Variants in VAPB observed in about 807,000 individuals in gnomAD.
The protein encoded by VAPB is VAMP associated protein B and C, also known as vesicle-associated membrane protein-associated protein B/C.
In VAPB, 7 loss-of-function variants were observed where a neutral mutation model predicts 25.6. That is an observed-to-expected ratio of 0.27 (90% confidence interval 0.16 to 0.51). VAPB has a LOEUF of 0.51. VAPB is among the 20% of genes least tolerant of loss of function. The pLI, the probability that VAPB is intolerant of heterozygous loss-of-function variation, is 0.97. For missense variants in VAPB, 266 were observed against 301.3 expected (o/e 0.88, Z 0.87); for synonymous variants, 112 against 109.2 (o/e 1.03, Z -0.16).
At chr20:58,440,146 G>A (rs1459066492) in intron 4 of VAPB, 1 of 152,206 alleles carries the variant, frequency 6.6e-6, no homozygotes, top group Non-Finnish European at 1.5e-5. Context: ...TTTGGAAGCT[G>A]TGAAAGCAGT....
At chr20:58,408,129 G>A (rs770059306) in intron 1 of VAPB, among the ~76,000 whole-genome samples, 27 of 152,048 alleles carry the variant, frequency 1.8e-4, no homozygotes, top group Non-Finnish European at 2.8e-4. Flanking sequence ...TGCAAGTCTG[G>A]TATAGTCTAT....
intron 2 of VAPB, among the ~76,000 whole-genome samples, chr20:58,424,918 C>CA (rs759154012): frequency 3.3e-5 from 5 of 152,244 alleles, no homozygotes; most frequent in Non-Finnish European, 5.9e-5. Flanking sequence ...TTGCTAGACT[C>CA]AGAGTTCCAT....
chr20:58,412,489 A>G (rs749182298), intron 1 of VAPB, among the ~76,000 whole-genome samples: 2 of 148,350 alleles, frequency 1.3e-5, no homozygotes, highest in Non-Finnish European at 3.0e-5. Flanking sequence ...GGGCATGAGA[A>G]TCGCTTGAAC....
At chr20:58,442,685 A>G (rs1396149162) in intron 5 of VAPB, among the ~76,000 whole-genome samples, 2 of 152,210 alleles carry the variant, frequency 1.3e-5, no homozygotes, top group Non-Finnish European at 2.9e-5. Flanking sequence ...GGATTCAAAC[A>G]CGAACAGCCC....
At chr20:58,426,295 T>C (rs757324553) in intron 2 of VAPB, among the ~76,000 whole-genome samples, 9 of 152,182 alleles carry the variant, frequency 5.9e-5, no homozygotes, top group Non-Finnish European at 1.3e-4. Context: ...ATTTCTGGGC[T>C]CAAGCAGTCT....
chr20:58,423,343 C>G (rs781190843), intron 2 of VAPB, among the ~76,000 whole-genome samples: 1 of 125,020 alleles, frequency 8.0e-6, no homozygotes. Context: ...GCCTGGGAGG[C>G]GGAGGTTGCA....
At position 58,421,183 on chromosome 20, in the gene VAPB, G is replaced by A. The variant is rs561698199; in HGVS notation, c.211+2820G>A. ...TTTGACCAACCTATTAACCTTTCTAGGTTCTTGTTTTCTCACTTGTAAGGT... is the reference window on the plus strand; with the variant it reads ...TTTGACCAACCTATTAACCTTTCTAAGTTCTTGTTTTCTCACTTGTAAGGT... On this transcript the variant is annotated intron_variant, in intron 2 of 5. Transcript: ENST00000475243. 8.5e-5 allele frequency among the ~76,000 whole-genome samples: 13 copies of A among 152,224 alleles called. No individual in the cohort carries two copies. The East Asian group carries it at 1.5e-3, about 18-fold the overall frequency.
chr20:58,396,116 T>C (rs190049550), intron 1 of VAPB, among the ~76,000 whole-genome samples: 1 of 152,330 alleles, frequency 6.6e-6, no homozygotes, highest in East Asian at 1.9e-4. Flanking sequence ...TGGAATACTT[T>C]CTTTTAATAA....
rs1280479256 is a variant in VAPB, at chr20:58,445,394, G to T, written c.*1159G>T. On this transcript the variant is annotated 3_prime_UTR_variant, in exon 6 of 6. Coordinates refer to ENST00000475243, the MANE Select transcript of VAPB (RefSeq NM_004738.5). ...AGCGAGGGCACCAGCAGTTGTGGGTGGGGAGCAAGGGAAGAGAGAAACTCT... is the reference window on the plus strand; with the variant it reads ...AGCGAGGGCACCAGCAGTTGTGGGTTGGGAGCAAGGGAAGAGAGAAACTCT... 6.6e-6 allele frequency: 3 copies of T among 454,568 alleles called. No individual in the cohort carries two copies. The highest frequency in any genetic ancestry group is 4.7e-5 in the Admixed American group (2 of 42,574). 28.2% of individuals were successfully genotyped at this position (454,568 alleles called of 1,614,324 possible).
rs1306249987 is a variant in VAPB, at chr20:58,445,122, A to T, written c.*887A>T. 4.4e-6 allele frequency: 2 copies of T among 454,322 alleles called. No individual in the cohort carries two copies. Among genetic ancestry groups the T allele is most frequent in the South Asian group, 3.1e-5 (2 of 64,484 alleles). The allele number at this position is 454,322 out of a possible 1,614,324, so 28.1% of individuals were successfully genotyped here. A position where few individuals can be genotyped will look rare whatever the true frequency, so the allele number is the denominator to read the frequency against. ...GGGGTTTATTGGGATGCTGGAGAAG[A>T]GCTGCCAGGAAGTGTTTTTTCTGGG... On this transcript the variant is annotated 3_prime_UTR_variant, in exon 6 of 6. Transcript: ENST00000475243.
chr20:58,440,959 C>T lies in VAPB; in HGVS notation c.449C>T (p.Thr150Ile), dbSNP rs1989146156. Residue 150 changes from threonine to isoleucine, a missense_variant, in exon 5 of 6, where the codon ACA becomes ATA. Thr to Ile is a moderately conservative substitution (Grantham distance 89). Around this residue, in one of 3 missense-constraint regions of VAPB, gnomAD observed 136 missense variants for 130.7 expected, o/e 1.04. Transcript: ENST00000475243. The part of the protein sequence containing the change: ...IISTTASKTE[T>I]PIVSKSLSSS... ...TCCACAACTGCATCAAAGACAGAAA[C>T]ACCAATAGTGTCTAAGTCTCTGAGT... 1 of 1,613,998 alleles carries T rather than the reference C, an allele frequency of 6.2e-7. No individual in the cohort carries two copies. The highest frequency in any genetic ancestry group is 1.1e-5 in the South Asian group (1 of 91,076).
At chr20:58,399,368 G>A (rs917337407) in intron 1 of VAPB, among the ~76,000 whole-genome samples, 1 of 151,776 alleles carries the variant, frequency 6.6e-6, no homozygotes, top group Admixed American at 6.6e-5. Context: ...TAATTGTCTC[G>A]TTGGCACCTC....
intron 2 of VAPB, among the ~76,000 whole-genome samples, chr20:58,433,156 G>A (rs1448139425): frequency 6.6e-6 from 1 of 152,166 alleles, no homozygotes; most frequent in Non-Finnish European, 1.5e-5. Context: ...TAGCTTTGTC[G>A]TGGGGCCTGG....
intron 1 of VAPB, among the ~76,000 whole-genome samples, chr20:58,397,238 G>A (rs1456837653): frequency 6.6e-6 from 1 of 152,056 alleles, no homozygotes; most frequent in Non-Finnish European, 1.5e-5. Flanking sequence ...GAAAGCATTC[G>A]GCCGGGCATG....
Position 58,447,943 on chromosome 20 carries a change from G to C in VAPB, c.*3708G>C, listed in dbSNP as rs943480583. Reference sequence around the variant, plus strand: ...AACATTTAACTCCTGAGACCTTCTCGGTGTAGAGGCCACTGCTTCCCCCTG... The same window carrying C: ...AACATTTAACTCCTGAGACCTTCTCCGTGTAGAGGCCACTGCTTCCCCCTG... On this transcript the variant is annotated 3_prime_UTR_variant, in exon 6 of 6. Transcript: ENST00000475243. 1 of 453,754 alleles carries C rather than the reference G, an allele frequency of 2.2e-6. No homozygotes were observed. Among genetic ancestry groups the C allele is most frequent in the African/African-American group, 2.0e-5 (1 of 49,876 alleles). 28.1% of individuals were successfully genotyped at this position (453,754 alleles called of 1,614,324 possible).
intron 2 of VAPB, chr20:58,431,551 CTTGT>C (rs1204813260): frequency 6.8e-6 from 1 of 146,538 alleles, no homozygotes; most frequent in African/African-American, 2.5e-5. Context: ...GAGCCCTTAT[CTTGT>C]TTGTTTTTTT....
intron 1 of VAPB, among the ~76,000 whole-genome samples, chr20:58,396,038 C>T (rs894342429): frequency 6.6e-6 from 1 of 152,008 alleles, no homozygotes; most frequent in Non-Finnish European, 1.5e-5. Flanking sequence ...AAAGACAAAC[C>T]CCCCTTGCAT....
At chr20:58,414,419 C>G (rs1440490407) in intron 1 of VAPB, among the ~76,000 whole-genome samples, 2 of 151,596 alleles carry the variant, frequency 1.3e-5, no homozygotes, top group Non-Finnish European at 2.9e-5. Context: ...AGGCTCCCCA[C>G]CCCTCAGACG....
chr20:58,427,147 T>G (rs1395996661), intron 2 of VAPB, among the ~76,000 whole-genome samples: 1 of 150,800 alleles, frequency 6.6e-6, no homozygotes, highest in African/African-American at 2.5e-5. Context: ...AGGTCCATGA[T>G]CTGTTACCAT....
Sources: gnomAD v4.1 joint callset for allele counts (sites outside exome capture counted in the v4.1 genomes callset) on GRCh38, gnomAD v4.1.1 for gene constraint, gnomAD v4.1.1 regional missense constraint, MANE v1.5 for transcripts, NCBI Gene and HGNC (gene_info 2026-07-23, HGNC 2026-07-21) for gene names.